Variants in ZNF451 observed in about 807,000 individuals in gnomAD.
ZNF451 encodes the protein E3 SUMO-protein ligase ZNF451.
In ZNF451, 80 loss-of-function variants were observed where a neutral mutation model predicts 107.1. The observed-to-expected ratio is 0.75, with a 90% CI of 0.62 to 0.90. The LOEUF (loss-of-function observed/expected upper bound fraction) is 0.90, where lower values mean the gene tolerates loss of function less well. ZNF451 is among the 40% of genes least tolerant of loss of function. The pLI, the probability that ZNF451 is intolerant of heterozygous loss-of-function variation, is 0.00. For missense variants in ZNF451, 1,107 were observed against 1,236.2 expected (o/e 0.90, Z 1.57); for synonymous variants, 362 against 406.5 (o/e 0.89, Z 1.32).
At chr6:57,154,902 T>C (rs1377669323) in intron 13 of ZNF451, among the ~76,000 whole-genome samples, 1 of 152,136 alleles carries the variant, frequency 6.6e-6, no homozygotes, top group Non-Finnish European at 1.5e-5. Context: ...ATTTTTTTTT[T>C]CTTTCAATAT....
chr6:57,126,034 T>C (rs1196125402), intron 4 of ZNF451, among the ~76,000 whole-genome samples: 2 of 152,186 alleles, frequency 1.3e-5, no homozygotes, highest in African/African-American at 4.8e-5. Context: ...TAAGTGATGC[T>C]AGCTTCTTTT....
At position 57,141,312 on chromosome 6, in the gene ZNF451, A is replaced by G; in HGVS notation, c.713A>G (p.Asp238Gly). 1 of 1,608,656 alleles carries G rather than the reference A, an allele frequency of 6.2e-7. No homozygotes were observed. Among genetic ancestry groups the G allele is most frequent in the Non-Finnish European group, 8.5e-7 (1 of 1,177,044 alleles). Residue 238 changes from aspartate to glycine, a missense_variant, in exon 8 of 15, where the codon GAT (aspartate) becomes GGT (glycine). Asp to Gly is a moderately conservative substitution (Grantham distance 94). Around this residue, in one of 5 missense-constraint regions of ZNF451, gnomAD observed 339 missense variants for 372.8 expected, o/e 0.91. Coordinates refer to ENST00000370706, the MANE Select transcript of ZNF451 (RefSeq NM_001031623.3). ...TGTCTTATATTTTAGGAAGCCACAG[A>G]TGATGGACATAACAACAACCTTCTT... ...RDHLFDKEAT[D>G]DGHNNNLLPQ... is the part of the protein sequence containing the mutation.
rs117987778 is a variant in ZNF451 at position 57,091,740 on chromosome 6, G to A, written c.105+846G>A. Among the ~76,000 whole-genome samples the A allele has an allele frequency of 1.0e-3, 159 of 152,320 alleles. 3 individuals carry two copies. The East Asian group carries it at 0.026, about 25-fold the overall frequency. ...TCCCCAACTCGTCTTTTGGAATGCC[G>A]TAGTTAGTTGCAGTTTGGTATTCAA... On this transcript the variant is annotated intron_variant, in intron 2 of 14. Transcript: ENST00000370706.
At chr6:57,146,152 G>C (rs1316765714) in intron 9 of ZNF451, among the ~76,000 whole-genome samples, 2 of 151,910 alleles carry the variant, frequency 1.3e-5, no homozygotes, top group African/African-American at 2.4e-5. Context: ...TTTTTTTCTT[G>C]TTAAGTTCCT....
At chr6:57,111,965 G>T (rs1448252596) in intron 3 of ZNF451, among the ~76,000 whole-genome samples, 1 of 152,196 alleles carries the variant, frequency 6.6e-6, no homozygotes, top group Non-Finnish European at 1.5e-5. Context: ...CTAATTGGGG[G>T]TGGGAAGGAG....
rs747034924 is a variant in ZNF451 at position 57,153,914 on chromosome 6, A to G, written c.2937A>G (p.Ser979=). The part of the protein sequence containing the change: ...LPKQIPFTIL[S]GDQGFLELEN... ...AGCAAATTCCTTTCACCATCCTCTC[A>G]GGAGATCAAGGTTTTCTGGAGCTAG... The change falls in exon 13 of 15, where the codon TCA becomes TCG. Residue 979 remains serine (S), a synonymous_variant. Transcript: ENST00000370706. 1 of 1,614,192 alleles carries G rather than the reference A, an allele frequency of 6.2e-7. No individual in the cohort carries two copies. The highest frequency in any genetic ancestry group is 1.1e-5 in the South Asian group (1 of 91,086).
intron 3 of ZNF451, among the ~76,000 whole-genome samples, chr6:57,122,865 A>G (rs917211439): frequency 6.6e-6 from 1 of 152,212 alleles, no homozygotes; most frequent in Admixed American, 6.5e-5. Context: ...CAGCAATCCC[A>G]TTACTGGGTA....
intron 2 of ZNF451, among the ~76,000 whole-genome samples, chr6:57,097,348 A>G (rs533407249): frequency 6.6e-6 from 1 of 152,324 alleles, no homozygotes; most frequent in East Asian, 1.9e-4. Flanking sequence ...TGCCTATTCT[A>G]GGGAAGATCA....
intron 3 of ZNF451, among the ~76,000 whole-genome samples, chr6:57,110,989 G>A (rs1015950971): frequency 2.0e-5 from 3 of 150,480 alleles, no homozygotes; most frequent in Non-Finnish European, 2.9e-5. Flanking sequence ...GGGTCATATC[G>A]GCTAACTGCA....
At position 57,118,179 on chromosome 6, in the gene ZNF451, C is replaced by T. The variant is rs187781443; in HGVS notation, c.187-6555C>T. 1.8e-3 allele frequency among the ~76,000 whole-genome samples: 281 copies of T among 151,984 alleles called. 2 individuals carry two copies. The highest frequency in any genetic ancestry group is 6.4e-3 in the African/African-American group (267 of 41,494). ...ATACTTTCTGTTTAGGAATGTCAGT[C>T]CTTCTCTCAACCTTTAGGAGAATTG... is the stretch of plus-strand genomic sequence containing the variant. On this transcript the variant is annotated intron_variant, in intron 3 of 14. Coordinates refer to ENST00000370706, the MANE Select transcript of ZNF451 (RefSeq NM_001031623.3).
At chr6:57,149,977 G>C (rs1188089578) in intron 10 of ZNF451, among the ~76,000 whole-genome samples, 2 of 152,076 alleles carry the variant, frequency 1.3e-5, no homozygotes, top group African/African-American at 2.4e-5. Context: ...TATTAGAATA[G>C]AAACTATTCA....
rs778633095 is a variant in ZNF451 at position 57,134,727 on chromosome 6, C to A, written c.576-17C>A. ...TAGATTTATCTAATATTACCTCTTA[C>A]CTCTTTTGCTGAGTAGGTTCGATCA... On this transcript the variant is annotated splice_polypyrimidine_tract_variant and intron_variant, in intron 6 of 14. Coordinates refer to ENST00000370706, the MANE Select transcript of ZNF451 (RefSeq NM_001031623.3). 1.2e-6 allele frequency: 2 copies of A among 1,606,544 alleles called. No homozygotes were observed.
intron 7 of ZNF451, among the ~76,000 whole-genome samples, chr6:57,138,692 T>C (rs1407970902): frequency 7.3e-6 from 1 of 136,092 alleles, no homozygotes; most frequent in Non-Finnish European, 1.6e-5. Flanking sequence ...TAGAATGTAT[T>C]TGCAGCTATG....
rs1011465256 is a variant in ZNF451, at chr6:57,099,256, A to G, written c.186+115A>G. 5.9e-5 allele frequency: 47 copies of G among 792,434 alleles called. No individual in the cohort carries two copies. The African/African-American group carries it at 6.9e-4, about 12-fold the overall frequency. The allele number at this position is 792,434 out of a possible 1,614,324, so 49.1% of individuals were successfully genotyped here. A position where few individuals can be genotyped will look rare whatever the true frequency, so the allele number is the denominator to read the frequency against. On this transcript the variant is annotated intron_variant, in intron 3 of 14. Coordinates refer to ENST00000370706, the MANE Select transcript of ZNF451 (RefSeq NM_001031623.3). ...GTTTAGAAATAGCCAGTTCTATTAG[A>G]ATGGGCTAAAATAGGTAGTCCAAGG...
At position 57,141,244 on chromosome 6, in the gene ZNF451, T is replaced by C. The variant is rs879366095; in HGVS notation, c.703-58T>C. On this transcript the variant is annotated intron_variant, in intron 7 of 14. Transcript: ENST00000370706. ...AAATAGGAAATTTTGAAAGTTTTTT[T>C]CAAGAACTTGAGTGTTTATTTTAGT... 5.1e-5 allele frequency: 70 copies of C among 1,359,340 alleles called. No individual in the cohort carries two copies. The East Asian group carries it at 5.7e-4, about 11-fold the overall frequency. 84.2% of individuals were successfully genotyped at this position (1,359,340 alleles called of 1,614,324 possible). A position where few individuals can be genotyped will look rare whatever the true frequency, so the allele number is the denominator to read the frequency against.
rs1174291446 is a variant in ZNF451, at chr6:57,150,752, A to AC, written c.2644dup (p.Leu882ProfsTer13). The AC allele has an allele frequency of 6.2e-7, 1 of 1,608,354 alleles. No homozygotes were observed. The highest frequency in any genetic ancestry group is 1.7e-5 in the Admixed American group (1 of 59,222). ...ATTGTTGAGCTTCCAGATTTGGATT[A>AC]CCTGCGAACCATGACTCATATAGTC... is the stretch of plus-strand genomic sequence containing the variant. On this transcript the variant is annotated frameshift_variant, in exon 11 of 15. Coordinates refer to ENST00000370706, the MANE Select transcript of ZNF451 (RefSeq NM_001031623.3). LOFTEE classifies it high-confidence loss of function.
At chr6:57,157,882 T>C (rs769356792) in intron 13 of ZNF451, among the ~76,000 whole-genome samples, 9 of 152,240 alleles carry the variant, frequency 5.9e-5, no homozygotes, top group Non-Finnish European at 1.0e-4. Flanking sequence ...GTGAACTTTT[T>C]AATTGAAAAA....
In ZNF451 at chr6:57,170,048, T is replaced by G. The variant is rs1477237432; in HGVS notation, c.*1579T>G. The G allele has an allele frequency of 6.6e-6, 1 of 152,162 alleles. No individual in the cohort carries two copies. Among genetic ancestry groups the G allele is most frequent in the Admixed American group, 6.5e-5 (1 of 15,292 alleles). 9.4% of individuals were successfully genotyped at this position (152,162 alleles called of 1,614,324 possible). Reference sequence around the variant, plus strand: ...TATTAAGAAGCTTTTGTGGTGTGTGTGGTAGAGAATAATTAAGGCTTCTGA... The same window carrying G: ...TATTAAGAAGCTTTTGTGGTGTGTGGGGTAGAGAATAATTAAGGCTTCTGA... On this transcript the variant is annotated 3_prime_UTR_variant, in exon 15 of 15. Transcript: ENST00000370706.
chr6:57,113,842 C>G (rs1170806807), intron 3 of ZNF451, among the ~76,000 whole-genome samples: 1 of 151,998 alleles, frequency 6.6e-6, no homozygotes, highest in East Asian at 1.9e-4. Flanking sequence ...AGGATGCTCT[C>G]GATCTCCTGA....
Sources: gnomAD v4.1 joint callset for allele counts (sites outside exome capture counted in the v4.1 genomes callset) on GRCh38, gnomAD v4.1.1 for gene constraint, gnomAD v4.1.1 regional missense constraint, MANE v1.5 for transcripts, NCBI Gene and HGNC (gene_info 2026-07-23, HGNC 2026-07-21) for gene names.